Variants in ARHGEF11 observed in about 807,000 individuals in gnomAD.
ARHGEF11 encodes the protein Rho guanine nucleotide exchange factor 11, also known as Rho guanine exchange factor (GEF) 11.
In ARHGEF11, 55 loss-of-function variants were observed where a neutral mutation model predicts 193.7. That is an observed-to-expected ratio of 0.28 (90% CI 0.23 to 0.36). The LOEUF is 0.36. Ranked by LOEUF, ARHGEF11 falls within the 10% of genes least tolerant of loss-of-function variation. The pLI is 1.00. For missense variants in ARHGEF11, 1,723 were observed against 2,005.6 expected, an observed-to-expected ratio of 0.86 and a Z score of 2.69; for synonymous variants, 693 against 768.0, an observed-to-expected ratio of 0.90 and a Z score of 1.62.
At chr1:156,986,318 A>G in intron 1 of ARHGEF11, 145 bp from the exon 2 acceptor site, 1 of 608,096 alleles carries the variant, frequency 1.6e-6, no homozygotes, top group Non-Finnish European at 2.9e-6. Context: ...CTGGTAGGAC[A>G]TTAGCCATGT....
At position 157,010,538 on chromosome 1, in the gene ARHGEF11, CA is replaced by C. The variant is rs577072153; in HGVS notation, c.33-24366del. On this transcript the variant is annotated intron_variant, in intron 1 of 40. Transcript: ENST00000368194. The stretch of plus-strand genomic sequence containing the variant: ...CTGGGCTCAAGGGATCTTCCCACCT[CA>C]GCCTCCCAAGTAGATAATTAGCCTG... 1.2e-4 allele frequency among the ~76,000 whole-genome samples: 18 copies of C among 152,214 alleles called. No individual in the cohort carries two copies. In the South Asian group the frequency reaches 3.3e-3, roughly 28 times the overall value.
intron 1 of ARHGEF11, among the ~76,000 whole-genome samples, chr1:157,007,695 T>C (rs1048763485): frequency 2.6e-5 from 4 of 152,158 alleles, no homozygotes; most frequent in African/African-American, 9.7e-5. Flanking sequence ...CCACACAGAA[T>C]TAAACATTCT....
At chr1:156,980,356 T>C (rs1318132428) in intron 4 of ARHGEF11, 81 bp downstream of exon 4, 2 of 1,520,644 alleles carry the variant, frequency 1.3e-6, no homozygotes, top group African/African-American at 2.7e-5. Flanking sequence ...GATGAAAGTG[T>C]GCAGGATGGG....
chr1:156,944,962 C>T (rs919333913), intron 30 of ARHGEF11, 57 bp downstream of exon 30: 33 of 1,582,420 alleles, frequency 2.1e-5, no homozygotes, highest in East Asian at 6.7e-5. Context: ...CAGTGTTCTG[C>T]TCCTAAGGGT....
intron 34 of ARHGEF11, 59 bp from the exon 35 acceptor site, chr1:156,941,492 A>T: frequency 6.4e-7 from 1 of 1,557,414 alleles, no homozygotes. Flanking sequence ...GGACTCATGC[A>T]TTAGAATGGG....
At chr1:156,943,267 G>A (rs187133302) in intron 32 of ARHGEF11, among the ~76,000 whole-genome samples, 3 of 152,096 alleles carry the variant, frequency 2.0e-5, no homozygotes, top group Non-Finnish European at 4.4e-5. Context: ...CACCATGTTG[G>A]CCAGGCTGGT....
intron 1 of ARHGEF11, among the ~76,000 whole-genome samples, chr1:157,039,687 T>C (rs899906102): frequency 2.6e-5 from 4 of 152,178 alleles, no homozygotes; most frequent in Non-Finnish European, 5.9e-5. Flanking sequence ...ACGTGATATA[T>C]CTTTGAGTTA....
At chr1:156,987,485 A>T (rs1665098334) in intron 1 of ARHGEF11, among the ~76,000 whole-genome samples, 1 of 152,258 alleles carries the variant, frequency 6.6e-6, no homozygotes, top group African/African-American at 2.4e-5. Flanking sequence ...ATATTTATTT[A>T]CATATCCAAA....
chr1:156,945,405 G>C (rs1267049629), intron 29 of ARHGEF11: 1 of 571,768 alleles, frequency 1.7e-6, no homozygotes, highest in Non-Finnish European at 3.1e-6. Context: ...ACAGATCACT[G>C]CTTTGAAGAC....
In ARHGEF11 at chr1:156,946,758, C is replaced by T; in HGVS notation, c.2598G>A (p.Gln866=). ...AGGAACAGAACTGTGCAGCCACTTGCTGGAGTTCCTCTCGGGCAGGGCCAT... is the reference window on the plus strand; with the variant it reads ...AGGAACAGAACTGTGCAGCCACTTGTTGGAGTTCCTCTCGGGCAGGGCCAT... ...RFDGPAREEL[Q]QVAAQFCSYQ... Residue 866 remains glutamine, a synonymous_variant, in exon 28 of 41, where the codon CAG becomes CAA. Transcript: ENST00000368194. 1 of 1,614,212 alleles carries T rather than the reference C, an allele frequency of 6.2e-7. No individual in the cohort carries two copies. The highest frequency in any genetic ancestry group is 8.5e-7 in the Non-Finnish European group (1 of 1,180,042).
At chr1:157,018,295 T>C (rs1387443797) in intron 1 of ARHGEF11, among the ~76,000 whole-genome samples, 1 of 152,140 alleles carries the variant, frequency 6.6e-6, no homozygotes, top group Non-Finnish European at 1.5e-5. Context: ...CCAATCATAA[T>C]CTCAGAAGGC....
chr1:157,039,764 C>G (rs1253843355), intron 1 of ARHGEF11, among the ~76,000 whole-genome samples: 3 of 152,130 alleles, frequency 2.0e-5, no homozygotes, highest in African/African-American at 7.2e-5. Context: ...AGAGGTGAAA[C>G]AGATTCAGTC....
At chr1:156,960,085 T>C (rs1393630853) in intron 15 of ARHGEF11, among the ~76,000 whole-genome samples, 1 of 152,032 alleles carries the variant, frequency 6.6e-6, no homozygotes, top group Non-Finnish European at 1.5e-5. Flanking sequence ...TCAAGTCTGT[T>C]TCCTCTTTGT....
In ARHGEF11 at chr1:157,024,567, G is replaced by A. The variant is rs550975829; in HGVS notation, c.32+19732C>T. Among the ~76,000 whole-genome samples the A allele has an allele frequency of 2.6e-5, 4 of 152,204 alleles. No individual in the cohort carries two copies. The South Asian group carries it at 6.2e-4, about 24-fold the overall frequency. On this transcript the variant is annotated intron_variant, in intron 1 of 40. Coordinates refer to ENST00000368194, the MANE Select transcript of ARHGEF11 (RefSeq NM_198236.3). ...AAGTAGCAATTAAATCAGCCAACTC[G>A]CTAACCTCAAAAAACTTGTCTGCAG... is the stretch of plus-strand genomic sequence containing the variant.
chr1:157,027,018 T>A (rs916861110), intron 1 of ARHGEF11, among the ~76,000 whole-genome samples: 18 of 152,296 alleles, frequency 1.2e-4, no homozygotes, highest in African/African-American at 3.4e-4. Flanking sequence ...CTGATTAAAG[T>A]TATTGGAAAA....
chr1:156,959,918 A>C (rs2102137637), intron 15 of ARHGEF11, among the ~76,000 whole-genome samples: 1 of 131,412 alleles, frequency 7.6e-6, no homozygotes, highest in Non-Finnish European at 1.6e-5. Context: ...TATAAAAACA[A>C]AAATAACCCC....
In ARHGEF11 at chr1:156,963,516, T is replaced by A; in HGVS notation, c.1038+4A>T. The stretch of plus-strand genomic sequence containing the variant: ...ATGAAAGGAGAAAACTAGGAAACCG[T>A]TACCTCGTTGTTGAAATAACCCGGG... On this transcript the variant is annotated splice_donor_region_variant and intron_variant, in intron 12 of 40. Transcript: ENST00000368194. 6.2e-7 allele frequency: 1 copy of A among 1,612,436 alleles called. No homozygotes were observed.
intron 17 of ARHGEF11, among the ~76,000 whole-genome samples, chr1:156,958,508 G>A (rs1660293066): frequency 6.6e-6 from 1 of 152,132 alleles, no homozygotes; most frequent in Admixed American, 6.6e-5. Flanking sequence ...CCTGGGGCCC[G>A]TGGTCTGTCA....
Position 156,961,769 on chromosome 1 carries a change from A to G in ARHGEF11, c.1147T>C (p.Tyr383His), listed in dbSNP as rs1660891293. 5 of 1,613,792 alleles carry G rather than the reference A, an allele frequency of 3.1e-6. No homozygotes were observed. The highest frequency in any genetic ancestry group is 2.2e-5 in the South Asian group (2 of 91,078). ...TGCTGATAAACTTCTGCACACAGGT[A>G]AAAAAGCTAGGAGGAGAGAGAACTG... is the stretch of plus-strand genomic sequence containing the variant. Reference protein sequence around the residue: ...SQADPSPLLFYLCAEVYQQAS... With the variant: ...SQADPSPLLFHLCAEVYQQAS... Residue 383 changes from tyrosine to histidine, a missense_variant, in exon 14 of 41, where the codon TAC becomes CAC. Tyr to His is a moderately conservative substitution (Grantham distance 83). Coordinates refer to ENST00000368194, the MANE Select transcript of ARHGEF11 (RefSeq NM_198236.3).
Sources: gnomAD v4.1 joint callset for allele counts (sites outside exome capture counted in the v4.1 genomes callset) on GRCh38, gnomAD v4.1.1 for gene constraint, MANE v1.5 for transcripts, NCBI Gene and HGNC (gene_info 2026-07-23, HGNC 2026-07-21) for gene names.